RNLS: variants seen among roughly 807,000 people sequenced by gnomAD.
The protein encoded by RNLS is renalase, FAD dependent amine oxidase.
A neutral mutation model predicts 39.8 loss-of-function variants in RNLS; 39 were observed. The observed-to-expected ratio is 0.98, with a 90% CI of 0.76 to 1.28. The LOEUF is 1.28. Ranked by LOEUF, RNLS falls within the 50% of genes most tolerant of loss-of-function variation. RNLS has a pLI of 0.00. For synonymous variants in RNLS, 147 were observed against 150.7 expected (o/e 0.98, Z 0.18); for missense variants, 410 against 413.3 (o/e 0.99, Z 0.07).
At chr10:88,508,768 T>G (rs1845931100) in intron 4 of RNLS, among the ~76,000 whole-genome samples, 1 of 152,046 alleles carries the variant, frequency 6.6e-6, no homozygotes, top group East Asian at 1.9e-4. Context: ...GAATGTCCCT[T>G]TGAGACACTG....
chr10:88,200,250 C>T, the RNLS span, among the ~76,000 whole-genome samples: 1 of 152,342 alleles, frequency 6.6e-6, no homozygotes, highest in South Asian at 2.1e-4. Flanking sequence ...ATCTGAAAAG[C>T]AGTGTGAATC....
chr10:88,244,154 G>A, the RNLS span, among the ~76,000 whole-genome samples: 13 of 152,164 alleles, frequency 8.5e-5, no homozygotes, highest in Non-Finnish European at 1.0e-4. Flanking sequence ...GGCCCAATCC[G>A]GGGTCTGCAT....
intron 4 of RNLS, among the ~76,000 whole-genome samples, chr10:88,536,030 G>A (rs993760453): frequency 6.6e-6 from 1 of 152,056 alleles, no homozygotes; most frequent in Non-Finnish European, 1.5e-5. Context: ...AGGTGATAAG[G>A]AGCATGGACT....
At chr10:88,418,229 T>C (rs1854160598) in intron 4 of RNLS, among the ~76,000 whole-genome samples, 1 of 152,098 alleles carries the variant, frequency 6.6e-6, no homozygotes, top group Non-Finnish European at 1.5e-5. Flanking sequence ...GTTTGTTTCT[T>C]GCAATAAATT....
intron 5 of RNLS, among the ~76,000 whole-genome samples, chr10:88,331,848 C>CA (rs1847137239): frequency 6.6e-6 from 1 of 152,038 alleles, no homozygotes; most frequent in Admixed American, 6.5e-5. Context: ...TAATGAAGAG[C>CA]AAGCCAATCA....
intron 4 of RNLS, among the ~76,000 whole-genome samples, chr10:88,478,165 T>TA (rs1290862943): frequency 3.9e-5 from 6 of 152,188 alleles, no homozygotes; most frequent in Non-Finnish European, 8.8e-5. Flanking sequence ...TTCAAACATT[T>TA]AAAAAACATT....
chr10:88,455,543 A>T (rs1323627695), intron 4 of RNLS, among the ~76,000 whole-genome samples: 2 of 152,028 alleles, frequency 1.3e-5, no homozygotes, highest in Non-Finnish European at 2.9e-5. Context: ...AGTAGCTGGG[A>T]CTACAGGCAC....
intron 6 of RNLS, among the ~76,000 whole-genome samples, chr10:88,295,784 T>G (rs1230364248): frequency 1.3e-5 from 2 of 152,294 alleles, no homozygotes; most frequent in East Asian, 3.9e-4. Context: ...GGGCTCAAAC[T>G]GCAAAGGACA....
the RNLS span, among the ~76,000 whole-genome samples, chr10:88,185,032 G>T: frequency 5.9e-5 from 9 of 152,082 alleles, no homozygotes; most frequent in Admixed American, 5.2e-4. Flanking sequence ...ATATCCTGTT[G>T]CCCTGCCTTT....
chr10:88,572,810 A>T, intron 4 of RNLS, 93 bp downstream of exon 4: 1 of 1,298,264 alleles, frequency 7.7e-7, no homozygotes, highest in Non-Finnish European at 1.1e-6. Flanking sequence ...AGAGTCTATC[A>T]CTTGTCCTTT....
the RNLS span, among the ~76,000 whole-genome samples, chr10:88,180,375 C>G: frequency 2.0e-5 from 3 of 152,076 alleles, no homozygotes; most frequent in Admixed American, 6.6e-5. Context: ...TGTTTAATAG[C>G]TATTGGGACA....
intron 4 of RNLS, among the ~76,000 whole-genome samples, chr10:88,438,563 T>C (rs1308366781): frequency 6.6e-6 from 1 of 152,214 alleles, no homozygotes; most frequent in African/African-American, 2.4e-5. Context: ...ATCTTGGTAA[T>C]AGAGTAGGCT....
chr10:88,470,415 T>C lies in RNLS; in HGVS notation c.526+102488A>G, dbSNP rs867563086. Among the ~76,000 whole-genome samples the C allele has an allele frequency of 3.3e-5, 5 of 152,312 alleles. 1 individual carries two copies. In the Middle Eastern group the frequency reaches 0.014, roughly 414 times the overall value. Reference sequence around the variant, plus strand: ...AAGAAAATGTGGTACATAAGTTCTCTGTTTTATATACCCTGCATGAGGGCA... The same window carrying C: ...AAGAAAATGTGGTACATAAGTTCTCCGTTTTATATACCCTGCATGAGGGCA... On this transcript the variant is annotated intron_variant, in intron 4 of 6. Transcript: ENST00000331772.
At position 88,349,833 on chromosome 10, in the gene RNLS, A is replaced by T. The variant is rs200319939; in HGVS notation, c.700+12719T>A. Among the ~76,000 whole-genome samples the T allele has an allele frequency of 7.2e-5, 11 of 152,124 alleles. No homozygotes were observed. In the East Asian group the frequency reaches 2.1e-3, roughly 29 times the overall value. ...CTATCACATGATATTCTATGACAAC[A>T]CTAAAATAATGAGATGAATATTTGC... On this transcript the variant is annotated intron_variant, in intron 5 of 6. Transcript: ENST00000331772.
chr10:88,198,742 T>C, the RNLS span, among the ~76,000 whole-genome samples: 1 of 152,098 alleles, frequency 6.6e-6, no homozygotes, highest in Non-Finnish European at 1.5e-5. Flanking sequence ...CCTTCCACCA[T>C]GATTCTAAGT....
At chr10:88,275,517 T>C (rs962076527) in intron 6 of RNLS, among the ~76,000 whole-genome samples, 5 of 152,070 alleles carry the variant, frequency 3.3e-5, no homozygotes, top group Admixed American at 6.6e-5. Flanking sequence ...TGTCTATCAG[T>C]AGGGAAATGG....
At chr10:88,560,586 G>A (rs751974244) in intron 4 of RNLS, among the ~76,000 whole-genome samples, 5 of 152,034 alleles carry the variant, frequency 3.3e-5, no homozygotes, top group Non-Finnish European at 7.4e-5. Context: ...TCCTCCTTAG[G>A]AGCCTACTGG....
chr10:88,503,824 AATAT>A (rs1481099009), intron 4 of RNLS, among the ~76,000 whole-genome samples: 4 of 152,180 alleles, frequency 2.6e-5, no homozygotes, highest in African/African-American at 9.6e-5. Flanking sequence ...TAGTTTATAA[AATAT>A]AGCAGACAGG....
At chr10:88,196,526 C>T in the RNLS span, among the ~76,000 whole-genome samples, 1 of 152,160 alleles carries the variant, frequency 6.6e-6, no homozygotes, top group Admixed American at 6.6e-5. Flanking sequence ...CTGTGACTTG[C>T]TTTGGTCAAT....
Sources: gnomAD v4.1 joint callset for allele counts (sites outside exome capture counted in the v4.1 genomes callset) on GRCh38, gnomAD v4.1.1 for gene constraint, MANE v1.5 for transcripts, NCBI Gene and HGNC (gene_info 2026-07-23, HGNC 2026-07-21) for gene names.